The following GUCY1A1 variants were observed in gnomAD, a reference collection of about 807,000 sequenced individuals.
The protein encoded by GUCY1A1 is guanylate cyclase 1 soluble subunit alpha 1.
Under a neutral mutation model 64.5 loss-of-function variants are expected in GUCY1A1, and 48 were observed. The observed-to-expected ratio is 0.74, with a 90% CI of 0.59 to 0.95. The LOEUF (loss-of-function observed/expected upper bound fraction) is 0.95, where lower values mean the gene tolerates loss of function less well. Ranked by LOEUF, GUCY1A1 falls within the 40% of genes least tolerant of loss-of-function variation. The pLI, the probability that GUCY1A1 is intolerant of heterozygous loss-of-function variation, is 0.00. For synonymous variants in GUCY1A1, 308 were observed against 303.4 expected (o/e 1.02, Z -0.16); for missense variants, 804 against 825.3 (o/e 0.97, Z 0.32).
chr4:155,716,283 T>C (rs929380857), intron 7 of GUCY1A1, among the ~76,000 whole-genome samples: 2 of 152,180 alleles, frequency 1.3e-5, no homozygotes, highest in African/African-American at 4.8e-5. Context: ...TTTTCCTTTC[T>C]CACCCTCATC....
rs776256921 is a variant in GUCY1A1 at position 155,717,203 on chromosome 4, C to A, written c.1617C>A (p.His539Gln). Residue 539 changes from histidine to glutamine, a missense_variant, in exon 8 of 10, where the codon CAC becomes CAA. Physicochemically the swap from His to Gln is conservative, Grantham distance 24 (BLOSUM62 0). Transcript: ENST00000506455. ...GDAYCVAGGL[H>Q]KESDTHAVQI... ...CCTATTGTGTAGCTGGGGGATTACACAAAGAGAGTGATACTCATGCTGTTC... is the reference window on the plus strand; with the variant it reads ...CCTATTGTGTAGCTGGGGGATTACAAAAAGAGAGTGATACTCATGCTGTTC... The A allele has an allele frequency of 5.7e-6, 9 of 1,567,472 alleles. No homozygotes were observed. The highest frequency in any genetic ancestry group is 3.5e-5 in the Admixed American group (2 of 56,966).
At chr4:155,722,439 TC>T in intron 9 of GUCY1A1, 1 of 1,308,862 alleles carries the variant, frequency 7.6e-7, no homozygotes. Flanking sequence ...TAGTCTTCCA[TC>T]ATTCTTCTTT....
At chr4:155,711,475 C>A (rs556565174) in intron 6 of GUCY1A1, 33 of 355,354 alleles carry the variant, frequency 9.3e-5, no homozygotes, top group African/African-American at 6.7e-4. Flanking sequence ...ATGCAGTCTG[C>A]CTTTTAATAT....
At position 155,696,791 on chromosome 4, in the gene GUCY1A1, G is replaced by A. The variant is rs1381789792; in HGVS notation, c.-77G>A. On this transcript the variant is annotated 5_prime_UTR_variant, in exon 3 of 10. Coordinates refer to ENST00000506455, the MANE Select transcript of GUCY1A1 (RefSeq NM_001130682.3). ...TACCAGTGTCCTTGAATTGATAGTG[G>A]CTTCTGTTTGTCAGTCTCATATAAG... 24 of 1,358,028 alleles carry A rather than the reference G, an allele frequency of 1.8e-5. No individual in the cohort carries two copies. The East Asian group carries it at 5.5e-4, about 31-fold the overall frequency. 84.1% of individuals were successfully genotyped at this position (1,358,028 alleles called of 1,614,324 possible). A position where few individuals can be genotyped will look rare whatever the true frequency, so the allele number is the denominator to read the frequency against.
Position 155,731,532 on chromosome 4 carries a change from C to T in GUCY1A1, c.*1301C>T, listed in dbSNP as rs1735547791. On this transcript the variant is annotated 3_prime_UTR_variant, in exon 10 of 10. Coordinates refer to ENST00000506455, the MANE Select transcript of GUCY1A1 (RefSeq NM_001130682.3). ...ACTTTTTCTTTTTGTTTTACATAAA[C>T]ATTTAAGCAGCTAGGAACTTTTAGT... 6.6e-6 allele frequency: 1 copy of T among 151,710 alleles called. No individual in the cohort carries two copies. Among genetic ancestry groups the T allele is most frequent in the African/African-American group, 2.4e-5 (1 of 41,372 alleles). The allele number at this position is 151,710 out of a possible 1,614,324, so 9.4% of individuals were successfully genotyped here.
At chr4:155,710,257 T>G (rs1732380850) in intron 5 of GUCY1A1, among the ~76,000 whole-genome samples, 1 of 152,182 alleles carries the variant, frequency 6.6e-6, no homozygotes, top group Non-Finnish European at 1.5e-5. Flanking sequence ...ATTCAAATTA[T>G]TCTTTTGTAG....
intron 2 of GUCY1A1, among the ~76,000 whole-genome samples, chr4:155,671,714 A>C (rs1734164469): frequency 6.6e-6 from 1 of 152,080 alleles, no homozygotes; most frequent in Non-Finnish European, 1.5e-5. Flanking sequence ...TCAGCTATCG[A>C]ATTTGTCTCT....
At position 155,710,727 on chromosome 4, in the gene GUCY1A1, G is replaced by T; in HGVS notation, c.562G>T (p.Ala188Ser). The change falls in exon 6 of 10, where the codon GCC becomes TCC. Residue 188 changes from alanine (A) to serine (S), a missense_variant. Physicochemically the swap from Ala to Ser is moderately conservative, Grantham distance 99 (BLOSUM62 1). Transcript: ENST00000506455. ...EAGKRGRLED[A>S]SILCLDKEDD... Reference sequence around the variant, plus strand: ...AGGAAAAAGGGGCAGGCTTGAGGACGCCTCCATTCTATGCCTGGATAAGGA... The same window carrying T: ...AGGAAAAAGGGGCAGGCTTGAGGACTCCTCCATTCTATGCCTGGATAAGGA... 6.2e-7 allele frequency: 1 copy of T among 1,614,030 alleles called. No homozygotes were observed. Among genetic ancestry groups the T allele is most frequent in the Non-Finnish European group, 8.5e-7 (1 of 1,179,954 alleles).
At chr4:155,711,361 G>C in intron 6 of GUCY1A1, 110 bp downstream of exon 6, 1 of 587,770 alleles carries the variant, frequency 1.7e-6, no homozygotes, top group Non-Finnish European at 3.0e-6. Context: ...TAAAACATAT[G>C]TAAAACAATG....
rs1291172165 is a variant in GUCY1A1 at position 155,734,444 on chromosome 4, A to C, written c.*4213A>C. The C allele has an allele frequency of 6.6e-6, 1 of 151,978 alleles. No individual in the cohort carries two copies. Among genetic ancestry groups the C allele is most frequent in the Non-Finnish European group, 1.5e-5 (1 of 67,934 alleles). 9.4% of individuals were successfully genotyped at this position (151,978 alleles called of 1,614,324 possible). A position where few individuals can be genotyped will look rare whatever the true frequency, so the allele number is the denominator to read the frequency against. The stretch of plus-strand genomic sequence containing the variant: ...ACCCATGTAAATCATTTTAATAAGT[A>C]AAATTGAATCTTTGATACATATTTG... On this transcript the variant is annotated 3_prime_UTR_variant, in exon 10 of 10. Transcript: ENST00000506455.
intron 9 of GUCY1A1, among the ~76,000 whole-genome samples, chr4:155,727,728 A>G (rs1217278619): frequency 6.6e-6 from 1 of 151,758 alleles, no homozygotes; most frequent in African/African-American, 2.4e-5. Flanking sequence ...ATATTTAAGT[A>G]TCAACATTTT....
At position 155,722,025 on chromosome 4, in the gene GUCY1A1, T is replaced by C; in HGVS notation, c.1717-13T>C. ...CCAGTGACTGGGAACATCATGTTAT[T>C]TTTTGCTTTCAGATGCGAATTGGAC... On this transcript the variant is annotated splice_polypyrimidine_tract_variant and intron_variant, in intron 8 of 9. Transcript: ENST00000506455. 1.3e-6 allele frequency: 2 copies of C among 1,581,046 alleles called. No homozygotes were observed.
intron 2 of GUCY1A1, among the ~76,000 whole-genome samples, chr4:155,694,737 C>A (rs1730206255): frequency 6.6e-6 from 1 of 152,026 alleles, no homozygotes; most frequent in South Asian, 2.1e-4. Flanking sequence ...TATTCTCAGG[C>A]CCTTTACAGA....
At chr4:155,673,535 T>A (rs1189361268) in intron 2 of GUCY1A1, among the ~76,000 whole-genome samples, 1 of 151,544 alleles carries the variant, frequency 6.6e-6, no homozygotes, top group Admixed American at 6.6e-5. Flanking sequence ...ATGTTGGACA[T>A]CACAGGACCT....
chr4:155,703,111 TA>T (rs1731309449), intron 3 of GUCY1A1, among the ~76,000 whole-genome samples: 1 of 152,080 alleles, frequency 6.6e-6, no homozygotes, highest in African/African-American at 2.4e-5. Flanking sequence ...ACTTATTTAT[TA>T]GAGACAATCA....
chr4:155,703,987 A>G lies in GUCY1A1; in HGVS notation c.311A>G (p.Glu104Gly). 1 of 1,601,682 alleles carries G rather than the reference A, an allele frequency of 6.2e-7. No homozygotes were observed. The highest frequency in any genetic ancestry group is 8.5e-7 in the Non-Finnish European group (1 of 1,171,558). Residue 104 changes from glutamate to glycine, a missense_variant, in exon 4 of 10, where the codon GAA (glutamate) becomes GGA (glycine). Transcript: ENST00000506455. ...QRTLAKHKIK[E>G]SRKSLEREDF... ...ACATTGGCAAAGCACAAAATAAAAG[A>G]AAGCAGGTAAGTCAAACCACTTTAG...
intron 9 of GUCY1A1, among the ~76,000 whole-genome samples, chr4:155,727,847 CT>C (rs1328879805): frequency 5.9e-5 from 9 of 151,748 alleles, no homozygotes; most frequent in Non-Finnish European, 1.3e-4. Context: ...CTGTTACACG[CT>C]CTGACACAAT....
chr4:155,721,426 A>G (rs567871020), intron 8 of GUCY1A1, among the ~76,000 whole-genome samples: 1 of 152,248 alleles, frequency 6.6e-6, no homozygotes, highest in East Asian at 1.9e-4. Flanking sequence ...AATTTCATGT[A>G]TATAGACATT....
rs778025831 is a variant in GUCY1A1 at position 155,708,245 on chromosome 4, G to A, written c.327G>A (p.Leu109=). 1 of 1,484,764 alleles carries A rather than the reference G, an allele frequency of 6.7e-7. No individual in the cohort carries two copies. Among genetic ancestry groups the A allele is most frequent in the South Asian group, 1.1e-5 (1 of 87,828 alleles). The allele number at this position is 1,484,764 out of a possible 1,614,324, so 92.0% of individuals were successfully genotyped here. A position where few individuals can be genotyped will look rare whatever the true frequency, so the allele number is the denominator to read the frequency against. The change falls in exon 5 of 10, where the codon TTG becomes TTA. Residue 109 remains leucine (L), a synonymous_variant. Coordinates refer to ENST00000506455, the MANE Select transcript of GUCY1A1 (RefSeq NM_001130682.3). ...ATTGAAATATTTCCAGGAAATCTTT[G>A]GAAAGAGAAGACTTTGAAAAAACAA... ...KHKIKESRKS[L]EREDFEKTIA... is the part of the protein sequence containing the mutation.
Sources: allele counts gnomAD v4.1 joint callset (sites outside exome capture counted in the v4.1 genomes callset), GRCh38; gene constraint gnomAD v4.1.1; transcripts MANE v1.5; gene names NCBI Gene and HGNC (gene_info 2026-07-23, HGNC 2026-07-21).